DEFB121: variants seen among roughly 807,000 people sequenced by gnomAD.
DEFB121 encodes defensin beta 121, also known as beta-defensin 121.
Under a neutral mutation model 2.5 loss-of-function variants are expected in DEFB121, and 5 were observed. The ratio of observed to expected loss-of-function variants is 1.96; its 90% CI spans 1.03 to 4.13. The LOEUF (loss-of-function observed/expected upper bound fraction) is 4.13. DEFB121 is among the 30% of genes most tolerant of loss of function. DEFB121 has a pLI of 0.00. For synonymous variants in DEFB121, 39 were observed against 32.6 expected, an observed-to-expected ratio of 1.20 and a Z score of -0.67; for missense variants, 87 against 85.0, an observed-to-expected ratio of 1.02 and a Z score of -0.09.
At chr20:31,418,259 CAAAAAAAA>C in the DEFB121 span, among the ~76,000 whole-genome samples, 1 of 82,920 alleles carries the variant, frequency 1.2e-5, no homozygotes, top group Non-Finnish European at 2.5e-5. Context: ...GACTCCGTCT[CAAAAAAAA>C]AAAAAAAAAA....
intron 1 of DEFB121, among the ~76,000 whole-genome samples, chr20:31,411,754 C>G (rs1177384169): frequency 1.3e-5 from 2 of 152,128 alleles, no homozygotes; most frequent in African/African-American, 4.8e-5. Flanking sequence ...GTCCAGGAGC[C>G]TGGAGTCCAC....
upstream of DEFB121, among the ~76,000 whole-genome samples, chr20:31,411,068 T>A (rs2122358596): frequency 6.6e-6 from 1 of 152,338 alleles, no homozygotes; most frequent in East Asian, 1.9e-4. Flanking sequence ...AATAAAGGGA[T>A]GACCTGAATC....
upstream of DEFB121, among the ~76,000 whole-genome samples, chr20:31,409,702 A>G (rs967766005): frequency 7.2e-5 from 11 of 152,182 alleles, no homozygotes; most frequent in African/African-American, 2.7e-4. Context: ...AGCCAAGATC[A>G]TGCCACTGCA....
upstream of DEFB121, among the ~76,000 whole-genome samples, chr20:31,410,759 C>G (rs994760007): frequency 6.6e-6 from 1 of 151,354 alleles, no homozygotes; most frequent in Non-Finnish European, 1.5e-5. Context: ...ACTTCCTCCA[C>G]TCTTGAGAAA....
At chr20:31,411,567 C>CA (rs11481281) in intron 1 of DEFB121, among the ~76,000 whole-genome samples, 34,093 of 134,858 alleles carry the variant, frequency 0.25, 4,567 homozygotes, top group African/African-American at 0.39. Flanking sequence ...GAACGCAGAG[C>CA]AAAAAAAAAA....
intron 1 of DEFB121, among the ~76,000 whole-genome samples, 172 bp from the exon 2 acceptor site, chr20:31,405,257 C>G (rs1043572202): frequency 6.6e-6 from 1 of 152,120 alleles, no homozygotes; most frequent in Non-Finnish European, 1.5e-5. Flanking sequence ...GACCACTACG[C>G]TTTCTTCCTT....
chr20:31,416,054 T>TTTTGTTTG (rs58327582), upstream of DEFB121, among the ~76,000 whole-genome samples: 36,007 of 150,840 alleles, frequency 0.24, 4,792 homozygotes, highest in Middle Eastern at 0.37. Flanking sequence ...CTTCCCACTT[T>TTTTGTTTG]TTTGTTTGTT....
upstream of DEFB121, among the ~76,000 whole-genome samples, chr20:31,416,599 C>T (rs1232178414): frequency 6.6e-6 from 1 of 152,190 alleles, no homozygotes; most frequent in Non-Finnish European, 1.5e-5. Context: ...CTAAACAACC[C>T]TTGCCTTCTC....
intron 1 of DEFB121, chr20:31,412,565 G>T (rs1600533428): frequency 1.6e-6 from 2 of 1,220,948 alleles, no homozygotes; most frequent in African/African-American, 3.1e-5. Context: ...ATAGTGCCTG[G>T]CATAGAGGAA....
upstream of DEFB121, among the ~76,000 whole-genome samples, chr20:31,408,535 T>C (rs1978560155): frequency 6.6e-6 from 1 of 152,164 alleles, no homozygotes; most frequent in Non-Finnish European, 1.5e-5. Context: ...AAAGCCCAGA[T>C]GGTAAATACT....
upstream of DEFB121, among the ~76,000 whole-genome samples, chr20:31,408,958 AGAGGTTGCAGT>A (rs1191273811): frequency 6.6e-6 from 1 of 151,958 alleles, no homozygotes; most frequent in Non-Finnish European, 1.5e-5. Context: ...CCTGGGAGGC[AGAGGTTGCAGT>A]GAGCCGAGAT....
chr20:31,415,492 C>T (rs1481553315), upstream of DEFB121, among the ~76,000 whole-genome samples: 3 of 152,170 alleles, frequency 2.0e-5, no homozygotes, highest in African/African-American at 7.2e-5. Context: ...TCAGGTGATC[C>T]GCTAGCCTCG....
upstream of DEFB121, among the ~76,000 whole-genome samples, chr20:31,407,563 G>A (rs534705339): frequency 6.6e-6 from 1 of 152,254 alleles, no homozygotes; most frequent in African/African-American, 2.4e-5. Context: ...TACTCCAGGC[G>A]ACTCACAGAT....
chr20:31,413,167 G>C, upstream of DEFB121, among the ~76,000 whole-genome samples: 1 of 152,192 alleles, frequency 6.6e-6, no homozygotes, highest in East Asian at 1.9e-4. Flanking sequence ...TAAGTTTCCT[G>C]TGGACTAAGG....
upstream of DEFB121, among the ~76,000 whole-genome samples, chr20:31,413,586 G>A (rs1051015095): frequency 2.6e-5 from 4 of 152,182 alleles, no homozygotes; most frequent in African/African-American, 7.2e-5. Context: ...AGCTGACTGA[G>A]TAGCCACTCA....
chr20:31,408,378 G>A (rs577242470), upstream of DEFB121, among the ~76,000 whole-genome samples: 11 of 152,260 alleles, frequency 7.2e-5, no homozygotes, highest in South Asian at 2.1e-3. Context: ...TTTGAGCCCA[G>A]GAGGTCGAAG....
At chr20:31,415,692 C>A (rs567561653), upstream of DEFB121, among the ~76,000 whole-genome samples, 152 of 152,172 alleles carry the variant, frequency 1.0e-3, no homozygotes, top group African/African-American at 3.6e-3. Context: ...AACAACCACC[C>A]AAGGGCCAGG....
exon 1 of DEFB121, chr20:31,412,808 G>A: frequency 1.8e-6 from 1 of 560,518 alleles, no homozygotes; most frequent in Non-Finnish European, 2.9e-6. Context: ...GACCCAGAGG[G>A]CTCACCCAGA....
In DEFB121 at chr20:31,405,093, CA is replaced by C. The variant is rs760614237; in HGVS notation, c.59-9del. On this transcript the variant is annotated splice_polypyrimidine_tract_variant and intron_variant, in intron 1 of 1. Transcript: ENST00000376314. The stretch of plus-strand genomic sequence containing the variant: ...TGCCCCAACATTTCATGACTGAAAA[CA>C]AAAGGGAAGAAGAGAATAGAGTCAG... The C allele has an allele frequency of 3.8e-6, 6 of 1,589,790 alleles. No individual in the cohort carries two copies. The Admixed American group carries it at 7.6e-5, about 20-fold the overall frequency.
Sources: allele counts gnomAD v4.1 joint callset (sites outside exome capture counted in the v4.1 genomes callset), GRCh38; gene constraint gnomAD v4.1.1; transcripts MANE v1.5; gene names NCBI Gene and HGNC (gene_info 2026-07-23, HGNC 2026-07-21).